The following LMX1A variants were observed in gnomAD, a reference collection of about 807,000 sequenced individuals.
LMX1A encodes LIM homeobox transcription factor 1-alpha.
LMX1A carries 15 observed loss-of-function variants against 49.1 expected under a neutral mutation model. That is an observed-to-expected ratio of 0.31 (90% CI 0.20 to 0.47). The LOEUF (loss-of-function observed/expected upper bound fraction) is 0.47, where lower values mean the gene tolerates loss of function less well. Among genes scored for constraint, LMX1A ranks in the 20% least tolerant of loss-of-function variants. The probability of loss-of-function intolerance (pLI) is 1.00; values close to 1 mark genes in which losing one functional copy is unlikely to be tolerated. For synonymous variants in LMX1A, 167 were observed against 185.7 expected, an observed-to-expected ratio of 0.90 and a Z score of 0.82; for missense variants, 372 against 475.8, an observed-to-expected ratio of 0.78 and a Z score of 2.03.
At position 165,215,226 on chromosome 1, in the gene LMX1A, G is replaced by A. The variant is rs190929531; in HGVS notation, c.497-1413C>T. On this transcript the variant is annotated intron_variant, in intron 4 of 8. Transcript: ENST00000342310. ...CTCGGGAAGCTGATCCAGGAGAATC[G>A]CTTGAATCCGGGAGGTGGAAGTTGC... Among the ~76,000 whole-genome samples, 781 of 152,214 alleles carry A rather than the reference G, an allele frequency of 5.1e-3. 7 individuals are homozygous for A. Among genetic ancestry groups the A allele is most frequent in the Non-Finnish European group, 5.0e-3 (338 of 68,004 alleles).
chr1:165,247,965 T>C (rs1382181940), intron 4 of LMX1A, among the ~76,000 whole-genome samples: 1 of 152,256 alleles, frequency 6.6e-6, no homozygotes, highest in Non-Finnish European at 1.5e-5. Flanking sequence ...AAAGAGTTTA[T>C]CAAGCACCCA....
intron 3 of LMX1A, among the ~76,000 whole-genome samples, chr1:165,325,475 G>GTA (rs749298975): frequency 1.9e-3 from 286 of 151,124 alleles, no homozygotes; most frequent in Non-Finnish European, 3.1e-3. Flanking sequence ...GTGTGTGTGT[G>GTA]TGTGTATACA....
intron 3 of LMX1A, among the ~76,000 whole-genome samples, chr1:165,279,278 T>C (rs2101704068): frequency 6.6e-6 from 1 of 152,250 alleles, no homozygotes; most frequent in South Asian, 2.1e-4. Context: ...AGAGGCCTCG[T>C]CCCCAATAAC....
At chr1:165,285,771 C>G (rs1033830547) in intron 3 of LMX1A, among the ~76,000 whole-genome samples, 4 of 152,276 alleles carry the variant, frequency 2.6e-5, no homozygotes, top group Non-Finnish European at 4.4e-5. Context: ...GCTTCTTTTC[C>G]AAATGCCTTT....
intron 3 of LMX1A, among the ~76,000 whole-genome samples, chr1:165,295,897 C>A (rs1313180316): frequency 2.6e-5 from 4 of 152,166 alleles, no homozygotes; most frequent in South Asian, 2.1e-4. Flanking sequence ...GGAATCTGCA[C>A]ACCAGGTCTG....
rs368370060 is a variant in LMX1A, at chr1:165,283,836, C to T, written c.264-34196G>A. Among the ~76,000 whole-genome samples, 32 of 152,292 alleles carry T rather than the reference C, an allele frequency of 2.1e-4. 1 individual carries two copies. The South Asian group carries it at 5.6e-3, about 27-fold the overall frequency. On this transcript the variant is annotated intron_variant, in intron 3 of 8. Transcript: ENST00000342310. ...AACATTCAGTTTTTAACACATCAGG[C>T]GGGTTGTCCTCATTACTCTCATTGT...
In LMX1A at chr1:165,328,932, T is replaced by C. The variant is rs111567959; in HGVS notation, c.263+24144A>G. On this transcript the variant is annotated intron_variant, in intron 3 of 8. Coordinates refer to ENST00000342310, the MANE Select transcript of LMX1A (RefSeq NM_177398.4). ...ATGCTCATTGTGGTATCAATGTGCA[T>C]CAGGGCATACCTCCCCCATGGCAAA... Among the ~76,000 whole-genome samples the C allele has an allele frequency of 3.2e-3, 487 of 152,322 alleles. 5 individuals are homozygous for C. The highest frequency in any genetic ancestry group is 5.7e-3 in the Non-Finnish European group (386 of 68,020).
chr1:165,247,054 C>CTTTTTTTTTTTTTTT (rs71097567), intron 4 of LMX1A, among the ~76,000 whole-genome samples: 647 of 53,218 alleles, frequency 0.012, 194 homozygotes, highest in African/African-American at 0.021. Context: ...TCAGCTTTTT[C>CTTTTTTTTTTTTTTT]TTTTTTTTTT....
chr1:165,215,534 T>C (rs1651611784), intron 4 of LMX1A, among the ~76,000 whole-genome samples: 1 of 152,184 alleles, frequency 6.6e-6, no homozygotes, highest in Admixed American at 6.5e-5. Flanking sequence ...ACACATCCTT[T>C]TTCTTTCCTC....
chr1:165,272,268 A>G (rs1037554226), intron 3 of LMX1A, among the ~76,000 whole-genome samples: 2 of 152,202 alleles, frequency 1.3e-5, no homozygotes, highest in Non-Finnish European at 2.9e-5. Context: ...ATCATACTTT[A>G]CGAACACAAA....
chr1:165,341,595 T>TAC (rs1656078547), intron 3 of LMX1A, among the ~76,000 whole-genome samples: 1 of 150,730 alleles, frequency 6.6e-6, no homozygotes, highest in Non-Finnish European at 1.5e-5. Flanking sequence ...ACCAAATATA[T>TAC]ATATATATAT....
Position 165,309,051 on chromosome 1 carries a change from C to G in LMX1A, c.263+44025G>C, listed in dbSNP as rs1654999406. Among the ~76,000 whole-genome samples the G allele has an allele frequency of 2.6e-5, 4 of 152,126 alleles. No individual in the cohort carries two copies. The South Asian group carries it at 8.3e-4, about 32-fold the overall frequency. On this transcript the variant is annotated intron_variant, in intron 3 of 8. Transcript: ENST00000342310. ...GAAAGAAGAGATGCTTATGGAAAAC[C>G]TCCCTTTCTGTCCTGAGTCAAGACA...
chr1:165,340,357 A>G (rs893546246), intron 3 of LMX1A, among the ~76,000 whole-genome samples: 2 of 152,096 alleles, frequency 1.3e-5, no homozygotes, highest in African/African-American at 4.8e-5. Context: ...TCAGCCTCCC[A>G]AAGTGCTGGG....
At chr1:165,233,329 C>T (rs1371786523) in intron 4 of LMX1A, among the ~76,000 whole-genome samples, 1 of 152,190 alleles carries the variant, frequency 6.6e-6, no homozygotes, top group African/African-American at 2.4e-5. Flanking sequence ...GTGGTACACA[C>T]CTGTGGTCCC....
chr1:165,316,254 G>A (rs532367151), intron 3 of LMX1A, among the ~76,000 whole-genome samples: 4 of 152,340 alleles, frequency 2.6e-5, no homozygotes, highest in African/African-American at 9.6e-5. Flanking sequence ...GTGGACACTG[G>A]GCAGCATCTG....
chr1:165,294,783 G>C (rs1381684162), intron 3 of LMX1A, among the ~76,000 whole-genome samples: 1 of 152,156 alleles, frequency 6.6e-6, no homozygotes, highest in Admixed American at 6.5e-5. Flanking sequence ...GGCAAACATG[G>C]TGAAACCCCA....
intron 3 of LMX1A, among the ~76,000 whole-genome samples, chr1:165,266,595 C>CTTTTTT (rs61551654): frequency 0.013 from 1,039 of 79,130 alleles, 12 homozygotes; most frequent in Middle Eastern, 0.025. Context: ...TTCTTTCTTT[C>CTTTTTT]TTTTTTTTTT....
intron 3 of LMX1A, among the ~76,000 whole-genome samples, chr1:165,256,675 A>C (rs1653251753): frequency 6.6e-6 from 1 of 152,216 alleles, no homozygotes. Context: ...GGCAGGTTGG[A>C]AACCCACTAG....
chr1:165,241,345 A>G (rs1165445729), intron 4 of LMX1A, among the ~76,000 whole-genome samples: 1 of 152,224 alleles, frequency 6.6e-6, no homozygotes, highest in Non-Finnish European at 1.5e-5. Flanking sequence ...CCATCCATAA[A>G]TACACTGGCT....
Sources: gnomAD v4.1 joint callset for allele counts (sites outside exome capture counted in the v4.1 genomes callset) on GRCh38, gnomAD v4.1.1 for gene constraint, MANE v1.5 for transcripts, NCBI Gene and HGNC (gene_info 2026-07-23, HGNC 2026-07-21) for gene names.